The following CDKAL1 variants were observed in gnomAD, a reference collection of about 807,000 sequenced individuals.
The protein encoded by CDKAL1 is threonylcarbamoyladenosine tRNA methylthiotransferase.
A neutral mutation model predicts 68.2 loss-of-function variants in CDKAL1; 32 were observed. The observed-to-expected ratio is 0.47, with a 90% CI of 0.35 to 0.63. The LOEUF (loss-of-function observed/expected upper bound fraction) is 0.63. Among genes scored for constraint, CDKAL1 ranks in the 30% least tolerant of loss-of-function variants. The pLI is 0.00. For missense variants in CDKAL1, 606 were observed against 696.7 expected, an observed-to-expected ratio of 0.87 and a Z score of 1.47; for synonymous variants, 234 against 244.3, an observed-to-expected ratio of 0.96 and a Z score of 0.39.
At chr6:20,974,912 G>A (rs1765768007) in intron 10 of CDKAL1, among the ~76,000 whole-genome samples, 1 of 140,760 alleles carries the variant, frequency 7.1e-6, no homozygotes, top group Non-Finnish European at 1.5e-5. Flanking sequence ...CCAGGAGGCA[G>A]AGGTTGCAGT....
intron 4 of CDKAL1, among the ~76,000 whole-genome samples, chr6:20,619,425 A>T (rs949825650): frequency 2.0e-5 from 3 of 152,198 alleles, no homozygotes; most frequent in Non-Finnish European, 4.4e-5. Context: ...ACATCAATTA[A>T]CTAGATTTAG....
At chr6:20,694,122 CAGTT>C (rs1562031322) in intron 5 of CDKAL1, among the ~76,000 whole-genome samples, 3 of 151,224 alleles carry the variant, frequency 2.0e-5, no homozygotes, top group Non-Finnish European at 4.4e-5. Context: ...GAAGTGTTCT[CAGTT>C]TGTTACTTAA....
At chr6:21,084,125 C>T (rs1772569574) in intron 12 of CDKAL1, among the ~76,000 whole-genome samples, 1 of 152,092 alleles carries the variant, frequency 6.6e-6, no homozygotes, top group Admixed American at 6.5e-5. Context: ...TCAAAACTCT[C>T]AGTGGTTTAG....
At chr6:20,822,704 G>A (rs1429799867) in intron 8 of CDKAL1, among the ~76,000 whole-genome samples, 3 of 152,074 alleles carry the variant, frequency 2.0e-5, no homozygotes, top group Admixed American at 6.6e-5. Context: ...GAGTTCTCAC[G>A]AGATCTGATG....
intron 6 of CDKAL1, among the ~76,000 whole-genome samples, chr6:20,756,359 C>A (rs1774169787): frequency 6.6e-6 from 1 of 152,138 alleles, no homozygotes; most frequent in Non-Finnish European, 1.5e-5. Context: ...ACGTATAATT[C>A]ATTACTACTG....
chr6:21,024,082 C>T (rs1340043100), intron 11 of CDKAL1, among the ~76,000 whole-genome samples: 1 of 151,948 alleles, frequency 6.6e-6, no homozygotes. Flanking sequence ...TATATTTTAG[C>T]CAAGAAAATA....
intron 15 of CDKAL1, among the ~76,000 whole-genome samples, chr6:21,203,206 T>A (rs1778759301): frequency 7.4e-6 from 1 of 135,150 alleles, no homozygotes. Flanking sequence ...TGCACCACCA[T>A]CCTGGCTAAT....
chr6:20,589,125 A>C (rs2127698587), intron 4 of CDKAL1, among the ~76,000 whole-genome samples: 1 of 152,282 alleles, frequency 6.6e-6, no homozygotes, highest in East Asian at 1.9e-4. Flanking sequence ...CACACAGAGA[A>C]ATTTTATTTG....
Position 20,603,768 on chromosome 6 carries a change from A to ATTTTTTTTTTTTTT in CDKAL1, c.287-45512_287-45499dup, listed in dbSNP as rs745786047. Among the ~76,000 whole-genome samples, 115 of 85,214 alleles carry ATTTTTTTTTTTTTT rather than the reference A, an allele frequency of 1.3e-3. 11 individuals carry two copies. The highest frequency in any genetic ancestry group is 5.0e-3 in the African/African-American group (106 of 21,352). The allele number at this position is 85,214 out of a possible 152,430, so 55.9% of individuals were successfully genotyped here. On this transcript the variant is annotated intron_variant, in intron 4 of 15. Coordinates refer to ENST00000274695, the MANE Select transcript of CDKAL1 (RefSeq NM_017774.3). The stretch of plus-strand genomic sequence containing the variant: ...ACATTGATTAATGGGCAGTTGCTAA[A>ATTTTTTTTTTTTTT]TTTTTTTTTTTTTTTTTTTTTTTTT...
At chr6:20,803,644 G>C (rs1229449863) in intron 8 of CDKAL1, among the ~76,000 whole-genome samples, 1 of 152,178 alleles carries the variant, frequency 6.6e-6, no homozygotes, top group Non-Finnish European at 1.5e-5. Flanking sequence ...GTGGGCAGGA[G>C]ATGAGGCATA....
chr6:20,793,177 C>T (rs368281270), intron 8 of CDKAL1, among the ~76,000 whole-genome samples: 4 of 150,344 alleles, frequency 2.7e-5, no homozygotes, highest in East Asian at 2.0e-4. Context: ...CTAAAATTAA[C>T]GCCCCTAATT....
At chr6:21,033,110 T>C (rs983623747) in intron 11 of CDKAL1, among the ~76,000 whole-genome samples, 1 of 152,112 alleles carries the variant, frequency 6.6e-6, no homozygotes, top group Non-Finnish European at 1.5e-5. Flanking sequence ...GAAAGTACAG[T>C]TGGGAAGTTG....
chr6:20,701,689 G>T (rs1771369114), intron 5 of CDKAL1, among the ~76,000 whole-genome samples: 1 of 151,972 alleles, frequency 6.6e-6, no homozygotes, highest in African/African-American at 2.4e-5. Context: ...TTCACCATTA[G>T]GGAAATTATA....
chr6:21,146,742 T>G (rs1316930834), intron 13 of CDKAL1, among the ~76,000 whole-genome samples: 2 of 151,284 alleles, frequency 1.3e-5, no homozygotes, highest in Non-Finnish European at 1.5e-5. Flanking sequence ...TCCCAGCTAC[T>G]TGGGAGGCTG....
At chr6:20,967,032 A>T (rs1765354894) in intron 10 of CDKAL1, among the ~76,000 whole-genome samples, 1 of 152,142 alleles carries the variant, frequency 6.6e-6, no homozygotes, top group Non-Finnish European at 1.5e-5. Flanking sequence ...GCAGCTTCTA[A>T]TGGTTACTGA....
intron 4 of CDKAL1, among the ~76,000 whole-genome samples, chr6:20,564,435 G>T (rs920224925): frequency 1.3e-5 from 2 of 152,242 alleles, no homozygotes; most frequent in Non-Finnish European, 2.9e-5. Flanking sequence ...ATGAAAAAGT[G>T]TGTTGAATGT....
At position 21,125,135 on chromosome 6, in the gene CDKAL1, G is replaced by A. The variant is rs184083299; in HGVS notation, c.1299+16672G>A. On this transcript the variant is annotated intron_variant, in intron 13 of 15. Coordinates refer to ENST00000274695, the MANE Select transcript of CDKAL1 (RefSeq NM_017774.3). Reference sequence around the variant, plus strand: ...GAATTATAATCCACATAACCCCCACGTGTCAAGGGAGAAGCCAGGTGGAGG... The same window carrying A: ...GAATTATAATCCACATAACCCCCACATGTCAAGGGAGAAGCCAGGTGGAGG... 7.9e-3 allele frequency among the ~76,000 whole-genome samples: 1,199 copies of A among 152,168 alleles called. 6 individuals carry two copies. Among genetic ancestry groups the A allele is most frequent in the Non-Finnish European group, 0.013 (864 of 68,014 alleles).
intron 12 of CDKAL1, among the ~76,000 whole-genome samples, chr6:21,103,304 G>C (rs186967905): frequency 6.6e-6 from 1 of 152,196 alleles, no homozygotes; most frequent in Admixed American, 6.5e-5. Context: ...TTTCAGAACT[G>C]AGCTCTGTTG....
At chr6:21,006,760 G>A (rs918713803) in intron 11 of CDKAL1, among the ~76,000 whole-genome samples, 1 of 152,162 alleles carries the variant, frequency 6.6e-6, no homozygotes, top group South Asian at 2.1e-4. Flanking sequence ...TCGATTCACT[G>A]GTTTGAAGGC....
Sources: allele counts gnomAD v4.1 joint callset (sites outside exome capture counted in the v4.1 genomes callset), GRCh38; gene constraint gnomAD v4.1.1; transcripts MANE v1.5; gene names NCBI Gene and HGNC (gene_info 2026-07-23, HGNC 2026-07-21).